Variants in NCOR1 observed in about 807,000 individuals in gnomAD.
The protein encoded by NCOR1 is nuclear receptor corepressor 1, also known as protein phosphatase 1, regulatory subunit 109.
A neutral mutation model predicts 288.1 loss-of-function variants in NCOR1; 63 were observed. The observed-to-expected ratio is 0.22, with a 90% confidence interval of 0.18 to 0.27. NCOR1 has a LOEUF of 0.27. Ranked by LOEUF, NCOR1 falls within the 10% of genes least tolerant of loss-of-function variation. NCOR1 has a pLI of 1.00. For missense variants in NCOR1, 2,397 were observed against 3,019.2 expected (o/e 0.79, Z 4.83); for synonymous variants, 1,007 against 1,065.9 (o/e 0.94, Z 1.08).
intron 40 of NCOR1, among the ~76,000 whole-genome samples, chr17:16,051,542 T>C (rs56727081): frequency 0.015 from 2,227 of 152,246 alleles, 62 homozygotes; most frequent in African/African-American, 0.052. Flanking sequence ...ATCAAAAAGT[T>C]AGAAAGATCT....
Position 16,215,460 on chromosome 17 carries a change from G to C in NCOR1, c.-169C>G, listed in dbSNP as rs1004960675. 2.5e-6 allele frequency: 1 copy of C among 397,850 alleles called. No homozygotes were observed. Among genetic ancestry groups the C allele is most frequent in the African/African-American group, 2.1e-5 (1 of 48,688 alleles). The allele number at this position is 397,850 out of a possible 1,614,324, so 24.6% of individuals were successfully genotyped here. ...CTACACCGGGACCTCGTTCGGCGCG[G>C]CGAGTCGGACGCTCACTCCAGCCGC... On this transcript the variant is annotated 5_prime_UTR_variant, in exon 1 of 46. Transcript: ENST00000268712.
chr17:16,065,579 G>T lies in NCOR1; in HGVS notation c.4857C>A (p.Thr1619=), dbSNP rs1420475422. The part of the protein sequence containing the change: ...TRQTILNDYI[T]SQQMQVNLRP... ...GCAAGTTCACTTGCATCTGTTGTGA[G>T]GTAATGTAATCATTTAAGATTGTCT... The change falls in exon 33 of 46, where the codon ACC becomes ACA. Residue 1619 remains threonine, a synonymous_variant. Transcript: ENST00000268712. 1 of 1,614,208 alleles carries T rather than the reference G, an allele frequency of 6.2e-7. No individual in the cohort carries two copies. The highest frequency in any genetic ancestry group is 1.1e-5 in the South Asian group (1 of 91,080).
At chr17:16,052,110 G>C (rs1023879336) in intron 40 of NCOR1, among the ~76,000 whole-genome samples, 2 of 151,736 alleles carry the variant, frequency 1.3e-5, no homozygotes, top group South Asian at 2.1e-4. Flanking sequence ...CCGGGTTCAC[G>C]CCATTCTCCT....
At chr17:16,048,212 A>G (rs1447043294) in intron 41 of NCOR1, among the ~76,000 whole-genome samples, 1 of 152,226 alleles carries the variant, frequency 6.6e-6, no homozygotes, top group Non-Finnish European at 1.5e-5. Context: ...ACAGAAAGGA[A>G]TTCAGGGAAC....
At position 16,182,436 on chromosome 17, in the gene NCOR1, A is replaced by G. The variant is rs373741215; in HGVS notation, c.242+4118T>C. On this transcript the variant is annotated intron_variant, in intron 3 of 45. Coordinates refer to ENST00000268712, the MANE Select transcript of NCOR1 (RefSeq NM_006311.4). ...GCCTAAAATCACAGAAAACTTAAAT[A>G]AATTTATTTTATTTTACTTATTTAT... Among the ~76,000 whole-genome samples the G allele has an allele frequency of 5.3e-5, 8 of 152,282 alleles. No homozygotes were observed. In the East Asian group the frequency reaches 1.3e-3, roughly 26 times the overall value.
Position 16,029,182 on chromosome 17 carries a change from TATTA to T in NCOR1, c.*3110_*3113del, listed in dbSNP as rs1376982344. ...TTTTTCATTCCAAGTTTTATTTATT[TATTA>T]ATTTTAAATCATCCACAGTGACTCA... On this transcript the variant is annotated 3_prime_UTR_variant, in exon 46 of 46. Coordinates refer to ENST00000268712, the MANE Select transcript of NCOR1 (RefSeq NM_006311.4). 2 of 453,428 alleles carry T rather than the reference TATTA, an allele frequency of 4.4e-6. No individual in the cohort carries two copies. Among genetic ancestry groups the T allele is most frequent in the Admixed American group, 2.4e-5 (1 of 42,496 alleles). 28.1% of individuals were successfully genotyped at this position (453,428 alleles called of 1,614,324 possible).
chr17:16,174,084 C>A (rs2083625641), intron 3 of NCOR1, among the ~76,000 whole-genome samples: 1 of 152,194 alleles, frequency 6.6e-6, no homozygotes, highest in Admixed American at 6.6e-5. Context: ...ATCTCAAATT[C>A]ATATGTTGGA....
At chr17:16,037,561 T>C (rs1000517869) in intron 44 of NCOR1, among the ~76,000 whole-genome samples, 2 of 152,214 alleles carry the variant, frequency 1.3e-5, no homozygotes, top group South Asian at 2.1e-4. Flanking sequence ...CATCAAGCCT[T>C]CTTTACTGGC....
intron 26 of NCOR1, among the ~76,000 whole-genome samples, chr17:16,075,961 T>C (rs932047956): frequency 1.3e-5 from 2 of 152,246 alleles, no homozygotes; most frequent in African/African-American, 2.4e-5. Context: ...CTCACCTTCA[T>C]GTGAGGACTC....
At chr17:16,213,955 A>G (rs1308622946) in intron 1 of NCOR1, among the ~76,000 whole-genome samples, 1 of 152,250 alleles carries the variant, frequency 6.6e-6, no homozygotes, top group African/African-American at 2.4e-5. Flanking sequence ...CTATATCCAT[A>G]TATACAATTA....
rs183520329 is a variant in NCOR1 at position 16,123,676 on chromosome 17, C to T, written c.1634+2406G>A. Among the ~76,000 whole-genome samples, 15 of 152,306 alleles carry T rather than the reference C, an allele frequency of 9.8e-5. 1 individual carries two copies. The highest frequency in any genetic ancestry group is 7.8e-4 in the Admixed American group (12 of 15,298). On this transcript the variant is annotated intron_variant, in intron 15 of 45. Coordinates refer to ENST00000268712, the MANE Select transcript of NCOR1 (RefSeq NM_006311.4). ...TAATGAAATCATTATCTTCCACTAG[C>T]TATTCATGTGATTCCCTCTACCCTA... is the stretch of plus-strand genomic sequence containing the variant.
chr17:16,121,243 A>G lies in NCOR1; in HGVS notation c.1661T>C (p.Ile554Thr). The change falls in exon 16 of 46, where the codon ATA becomes ACA. Residue 554 changes from isoleucine (I) to threonine (T), a missense_variant. By Grantham distance (89) the Ile-to-Thr change is moderately conservative (BLOSUM62 -1). Transcript: ENST00000268712. ...CTCAGTTTCTTCTGCTGTACCATCT[A>G]TCTTGTCCTTTTCCTTGGTATTTTC... ...SKENTKEKDK[I>T]DGTAEETEER... is the part of the protein sequence containing the mutation. 5.0e-6 allele frequency: 8 copies of G among 1,613,680 alleles called. No homozygotes were observed. Among genetic ancestry groups the G allele is most frequent in the South Asian group, 2.2e-5 (2 of 91,040 alleles).
At chr17:16,190,531 C>T (rs539165493) in intron 2 of NCOR1, among the ~76,000 whole-genome samples, 49 of 150,580 alleles carry the variant, frequency 3.3e-4, no homozygotes, top group Non-Finnish European at 4.6e-4. Flanking sequence ...TTAGTAGAGA[C>T]GGAGTTTCAC....
chr17:16,055,043 T>C (rs2059757357), intron 40 of NCOR1, among the ~76,000 whole-genome samples: 1 of 152,192 alleles, frequency 6.6e-6, no homozygotes, highest in African/African-American at 2.4e-5. Context: ...GGCAAGACTG[T>C]GGAGAAAATG....
intron 27 of NCOR1, 21 bp downstream of exon 27, chr17:16,075,513 G>A (rs1373422109): frequency 1.9e-6 from 3 of 1,610,178 alleles, no homozygotes; most frequent in Non-Finnish European, 2.5e-6. Flanking sequence ...ACTGGCTTTG[G>A]TGCATACATA....
intron 26 of NCOR1, among the ~76,000 whole-genome samples, chr17:16,076,460 T>C (rs1289084964): frequency 1.3e-5 from 2 of 152,140 alleles, no homozygotes; most frequent in African/African-American, 2.4e-5. Flanking sequence ...CAACAACCAA[T>C]TGAGAGCAAT....
At chr17:16,054,952 A>G (rs976737799) in intron 40 of NCOR1, among the ~76,000 whole-genome samples, 3 of 152,184 alleles carry the variant, frequency 2.0e-5, no homozygotes, top group African/African-American at 7.2e-5. Flanking sequence ...AAAAAAGAGT[A>G]AGTGCCAATC....
chr17:16,138,945 G>T, intron 12 of NCOR1, 63 bp downstream of exon 12: 1 of 1,248,556 alleles, frequency 8.0e-7, no homozygotes, highest in Non-Finnish European at 1.1e-6. Flanking sequence ...ACAAGTAAAT[G>T]CCAAATACTT....
Position 16,062,219 on chromosome 17 carries a change from G to A in NCOR1, c.5273C>T (p.Ser1758Phe). The A allele has an allele frequency of 6.2e-7, 1 of 1,613,814 alleles. No individual in the cohort carries two copies. Among genetic ancestry groups the A allele is most frequent in the Non-Finnish European group, 8.5e-7 (1 of 1,180,002 alleles). ...PGSHGYVRSP[S>F]PSVRTQETML... ...GGTCTCCTGAGTTCTTACTGAAGGG[G>A]AAGGGGAGCGAACATATCCATGACT... The change falls in exon 36 of 46, where the codon TCC (serine) becomes TTC (phenylalanine). Residue 1758 changes from serine to phenylalanine, a missense_variant. Physicochemically the swap from Ser to Phe is radical, Grantham distance 155 (BLOSUM62 -2). This residue lies in a region of NCOR1 where 1,872 missense variants were observed against 2,187.8 expected (regional missense o/e 0.86). Transcript: ENST00000268712.
Sources: gnomAD v4.1 joint callset for allele counts (sites outside exome capture counted in the v4.1 genomes callset) on GRCh38, gnomAD v4.1.1 for gene constraint, gnomAD v4.1.1 regional missense constraint, MANE v1.5 for transcripts, NCBI Gene and HGNC (gene_info 2026-07-23, HGNC 2026-07-21) for gene names.